Variants in SPRED2 observed in about 807,000 individuals in gnomAD.
The protein encoded by SPRED2 is sprouty related EVH1 domain containing 2, also known as sprouty-related, EVH1 domain-containing protein 2.
A neutral mutation model predicts 43.0 loss-of-function variants in SPRED2; 47 were observed. That is an observed-to-expected ratio of 1.09 (90% confidence interval 0.87 to 1.40). The LOEUF (loss-of-function observed/expected upper bound fraction) is 1.40, where lower values mean the gene tolerates loss of function less well. Among genes scored for constraint, SPRED2 ranks in the 40% most tolerant of loss-of-function variants. SPRED2 has a pLI of 0.00. For missense variants in SPRED2, 561 were observed against 586.4 expected (o/e 0.96, Z 0.45); for synonymous variants, 225 against 225.7 (o/e 1.00, Z 0.03).
At position 65,398,914 on chromosome 2, in the gene SPRED2, T is replaced by C. The variant is rs144570502; in HGVS notation, c.26+33048A>G. On this transcript the variant is annotated intron_variant, in intron 1 of 5. Transcript: ENST00000356388. ...GAAGATACTTTCACATTCATGTTTA[T>C]AGAAGCACAATGCGCAACTGCAAAA... Among the ~76,000 whole-genome samples, 26 of 152,342 alleles carry C rather than the reference T, an allele frequency of 1.7e-4. 1 individual carries two copies. Among genetic ancestry groups the C allele is most frequent in the African/African-American group, 6.0e-4 (25 of 41,580 alleles).
intron 1 of SPRED2, among the ~76,000 whole-genome samples, chr2:65,431,345 A>C (rs2103829697): frequency 6.6e-6 from 1 of 150,756 alleles, no homozygotes; most frequent in African/African-American, 2.4e-5. Flanking sequence ...ACAGGCACTC[A>C]CGCGCCGCGG....
chr2:65,357,704 A>G (rs1185283588), intron 1 of SPRED2, among the ~76,000 whole-genome samples: 1 of 152,220 alleles, frequency 6.6e-6, no homozygotes, highest in East Asian at 1.9e-4. Flanking sequence ...ACACAGCTAC[A>G]TGAAAAAATC....
intron 1 of SPRED2, among the ~76,000 whole-genome samples, chr2:65,383,328 G>A (rs1191583493): frequency 6.6e-6 from 1 of 152,162 alleles, no homozygotes; most frequent in Non-Finnish European, 1.5e-5. Flanking sequence ...CTGTGAGGCC[G>A]GGGCCCTGTT....
At chr2:65,375,634 C>A (rs1171877461) in intron 1 of SPRED2, among the ~76,000 whole-genome samples, 1 of 152,130 alleles carries the variant, frequency 6.6e-6, no homozygotes, top group Non-Finnish European at 1.5e-5. Context: ...AGGTAGAAAC[C>A]TAATAGTAAT....
At chr2:65,339,746 A>G (rs933324253) in intron 2 of SPRED2, among the ~76,000 whole-genome samples, 20 of 151,888 alleles carry the variant, frequency 1.3e-4, no homozygotes, top group Middle Eastern at 3.4e-3. Flanking sequence ...AAAAAAAAAA[A>G]AGAAAGTGAA....
chr2:65,314,226 A>C lies in SPRED2; in HGVS notation c.589-57T>G, dbSNP rs1385370846. 5 of 1,486,466 alleles carry C rather than the reference A, an allele frequency of 3.4e-6. No individual in the cohort carries two copies. In the Admixed American group the frequency reaches 6.7e-5, roughly 20 times the overall value. The allele number at this position is 1,486,466 out of a possible 1,614,324, so 92.1% of individuals were successfully genotyped here. A position where few individuals can be genotyped will look rare whatever the true frequency, so the allele number is the denominator to read the frequency against. ...AGCAGCGGCCAAAAAACAAACAAAC[A>C]AAAAAACACCCCACCTTCTCCCTCC... is the stretch of plus-strand genomic sequence containing the variant. On this transcript the variant is annotated intron_variant, in intron 5 of 5. Coordinates refer to ENST00000356388, the MANE Select transcript of SPRED2 (RefSeq NM_181784.3).
intron 1 of SPRED2, among the ~76,000 whole-genome samples, chr2:65,385,143 T>TG (rs1319207037): frequency 2.0e-5 from 3 of 152,040 alleles, no homozygotes; most frequent in Non-Finnish European, 4.4e-5. Flanking sequence ...GGCTAATTTT[T>TG]GTATTTTTAG....
At chr2:65,411,186 C>T (rs2103763015) in intron 1 of SPRED2, among the ~76,000 whole-genome samples, 1 of 152,300 alleles carries the variant, frequency 6.6e-6, no homozygotes, top group South Asian at 2.1e-4. Context: ...CCCACATTAT[C>T]TCATTTAATC....
At chr2:65,347,162 T>A (rs1674373541) in intron 1 of SPRED2, among the ~76,000 whole-genome samples, 1 of 152,038 alleles carries the variant, frequency 6.6e-6, no homozygotes, top group Admixed American at 6.6e-5. Context: ...GGGCCAACAA[T>A]CTATTGTTCT....
chr2:65,432,092 G>A lies in SPRED2; in HGVS notation c.-105C>T. 2.1e-6 allele frequency: 3 copies of A among 1,454,102 alleles called. No individual in the cohort carries two copies. The highest frequency in any genetic ancestry group is 2.9e-6 in the Non-Finnish European group (3 of 1,050,006). 90.1% of individuals were successfully genotyped at this position (1,454,102 alleles called of 1,614,324 possible). ...CACATCTCCGGAGATCGCCTGATTT[G>A]GGGAGGGGGGGCGGCTAGAGATGAA... On this transcript the variant is annotated 5_prime_UTR_variant, in exon 1 of 6. Transcript: ENST00000356388.
At chr2:65,363,544 G>A (rs1674887240) in intron 1 of SPRED2, among the ~76,000 whole-genome samples, 1 of 152,206 alleles carries the variant, frequency 6.6e-6, no homozygotes, top group Non-Finnish European at 1.5e-5. Flanking sequence ...ACCTACAAGT[G>A]TTATTAATCC....
At chr2:65,320,276 C>T (rs568641867) in intron 4 of SPRED2, among the ~76,000 whole-genome samples, 7 of 152,212 alleles carry the variant, frequency 4.6e-5, no homozygotes, top group Non-Finnish European at 8.8e-5. Context: ...TAACACACCA[C>T]GGTCACCACT....
At chr2:65,427,425 T>G (rs1489833822) in intron 1 of SPRED2, among the ~76,000 whole-genome samples, 2 of 152,204 alleles carry the variant, frequency 1.3e-5, no homozygotes, top group Admixed American at 1.3e-4. Flanking sequence ...GTTCTACTCA[T>G]GTATAGTAGA....
intron 4 of SPRED2, among the ~76,000 whole-genome samples, chr2:65,327,099 G>C (rs906936832): frequency 1.3e-5 from 2 of 152,128 alleles, no homozygotes; most frequent in African/African-American, 2.4e-5. Context: ...CAATCCTCCT[G>C]CCTCACTTGG....
At chr2:65,380,962 T>C (rs912562930) in intron 1 of SPRED2, among the ~76,000 whole-genome samples, 2 of 152,218 alleles carry the variant, frequency 1.3e-5, no homozygotes, top group African/African-American at 4.8e-5. Context: ...ACTTTGCCTT[T>C]ATGTGTCCTC....
rs770804055 is a variant in SPRED2 at position 65,313,342 on chromosome 2, C to T, written c.*159G>A. On this transcript the variant is annotated 3_prime_UTR_variant, in exon 6 of 6. Transcript: ENST00000356388. ...GGGGAGTGGAGAGTCTACCCGGCAG[C>T]GTCCCTGGCTGGAATGGTGCCTCGA... The T allele has an allele frequency of 9.0e-5, 132 of 1,473,416 alleles. No homozygotes were observed. Among genetic ancestry groups the T allele is most frequent in the Middle Eastern group, 2.5e-4 (1 of 3,948 alleles). 91.3% of individuals were successfully genotyped at this position (1,473,416 alleles called of 1,614,324 possible).
intron 5 of SPRED2, among the ~76,000 whole-genome samples, chr2:65,314,914 A>G (rs1251805026): frequency 2.6e-5 from 4 of 152,114 alleles, no homozygotes; most frequent in Admixed American, 6.5e-5. Flanking sequence ...CCGGAAACTG[A>G]AGTTTCACTC....
intron 1 of SPRED2, among the ~76,000 whole-genome samples, chr2:65,379,369 C>T (rs1461285060): frequency 2.6e-5 from 4 of 152,090 alleles, no homozygotes; most frequent in African/African-American, 9.7e-5. Flanking sequence ...GGGGCCCTAA[C>T]AGCTGGTCTT....
At chr2:65,401,754 C>A (rs1365945372) in intron 1 of SPRED2, among the ~76,000 whole-genome samples, 1 of 151,890 alleles carries the variant, frequency 6.6e-6, no homozygotes, top group Non-Finnish European at 1.5e-5. Flanking sequence ...GAGCCAAGAT[C>A]GCACCACTGC....
Sources: gnomAD v4.1 joint callset for allele counts (sites outside exome capture counted in the v4.1 genomes callset) on GRCh38, gnomAD v4.1.1 for gene constraint, MANE v1.5 for transcripts, NCBI Gene and HGNC (gene_info 2026-07-23, HGNC 2026-07-21) for gene names.